LIN7A: variants seen among roughly 807,000 people sequenced by gnomAD.
LIN7A encodes the protein lin-7 cell polarity scaffold A.
LIN7A carries 25 observed loss-of-function variants against 29.8 expected under a neutral mutation model. That is an observed-to-expected ratio of 0.84 (90% CI 0.61 to 1.17). LIN7A has a LOEUF of 1.17. Among genes scored for constraint, LIN7A ranks in the 50% most tolerant of loss-of-function variants. LIN7A has a pLI of 0.00. For missense variants in LIN7A, 239 were observed against 287.0 expected (o/e 0.83, Z 1.21); for synonymous variants, 118 against 107.5 (o/e 1.10, Z -0.60).
At chr12:80,830,161 C>T (rs924693812) in intron 4 of LIN7A, among the ~76,000 whole-genome samples, 4 of 152,116 alleles carry the variant, frequency 2.6e-5, no homozygotes, top group African/African-American at 7.2e-5. Context: ...TCACTGCCTC[C>T]GTTCACCTGC....
At chr12:80,820,630 T>C (rs983133744) in intron 4 of LIN7A, among the ~76,000 whole-genome samples, 1 of 147,426 alleles carries the variant, frequency 6.8e-6, no homozygotes, top group Admixed American at 6.8e-5. Context: ...GAAGATTAAA[T>C]ACACACACAC....
chr12:80,827,918 C>A (rs973181990), intron 4 of LIN7A, among the ~76,000 whole-genome samples: 2 of 152,020 alleles, frequency 1.3e-5, no homozygotes, highest in Admixed American at 6.6e-5. Flanking sequence ...TCATTCTGGA[C>A]GTTTTTTTTG....
intron 4 of LIN7A, among the ~76,000 whole-genome samples, chr12:80,812,101 T>C (rs896867192): frequency 3.9e-5 from 6 of 152,136 alleles, no homozygotes; most frequent in Non-Finnish European, 8.8e-5. Context: ...AGTGGTGTCT[T>C]ATTGTGTGTA....
At chr12:80,854,434 A>G (rs1873490676) in intron 2 of LIN7A, among the ~76,000 whole-genome samples, 1 of 146,432 alleles carries the variant, frequency 6.8e-6, no homozygotes, top group Admixed American at 7.2e-5. Context: ...GAAAGGAACA[A>G]CTACTCATAT....
intron 4 of LIN7A, among the ~76,000 whole-genome samples, chr12:80,816,830 A>T (rs1023760128): frequency 2.0e-5 from 3 of 152,190 alleles, no homozygotes; most frequent in African/African-American, 7.2e-5. Flanking sequence ...GTGCAATGGC[A>T]CGATCTTGGC....
intron 1 of LIN7A, among the ~76,000 whole-genome samples, chr12:80,896,024 G>A (rs186743314): frequency 6.6e-6 from 1 of 152,200 alleles, no homozygotes; most frequent in East Asian, 1.9e-4. Flanking sequence ...TGACTTTAAA[G>A]GTGCTTTTCT....
At chr12:80,821,043 G>T (rs575660176) in intron 4 of LIN7A, among the ~76,000 whole-genome samples, 6 of 152,218 alleles carry the variant, frequency 3.9e-5, no homozygotes, top group East Asian at 1.9e-4. Context: ...CTACATATCC[G>T]CCAAGAACTA....
intron 1 of LIN7A, among the ~76,000 whole-genome samples, chr12:80,895,266 T>C (rs993780303): frequency 6.6e-6 from 1 of 152,138 alleles, no homozygotes; most frequent in African/African-American, 2.4e-5. Context: ...GCTGGAACAT[T>C]ATAAACAAAA....
chr12:80,795,461 G>A lies in LIN7A; in HGVS notation c.*2266C>T, dbSNP rs1870402742. On this transcript the variant is annotated 3_prime_UTR_variant, in exon 6 of 6. Transcript: ENST00000552864. ...AACCAAATGAAGCATAAATACAAAGGTTTCTAGAAAACACAAATGTAAACT... is the reference window on the plus strand; with the variant it reads ...AACCAAATGAAGCATAAATACAAAGATTTCTAGAAAACACAAATGTAAACT... The A allele has an allele frequency of 1.3e-5, 2 of 151,872 alleles. No individual in the cohort carries two copies. Among genetic ancestry groups the A allele is most frequent in the Admixed American group, 1.3e-4 (2 of 15,236 alleles). 9.4% of individuals were successfully genotyped at this position (151,872 alleles called of 1,614,324 possible).
chr12:80,816,643 A>G (rs911020465), intron 4 of LIN7A, among the ~76,000 whole-genome samples: 1 of 152,206 alleles, frequency 6.6e-6, no homozygotes, highest in African/African-American at 2.4e-5. Context: ...ATAGCTCAGT[A>G]GATAACCAAA....
At chr12:80,851,766 T>A (rs1317059378) in intron 2 of LIN7A, among the ~76,000 whole-genome samples, 2 of 57,592 alleles carry the variant, frequency 3.5e-5, no homozygotes, top group Admixed American at 2.0e-4. Context: ...ACAGCATTTG[T>A]AAGACATTTC....
rs147237018 is a variant in LIN7A at position 80,885,690 on chromosome 12, C to A, written c.201+3561G>T. Among the ~76,000 whole-genome samples, 3 of 152,102 alleles carry A rather than the reference C, an allele frequency of 2.0e-5. No individual in the cohort carries two copies. In the East Asian group the frequency reaches 5.8e-4, roughly 29 times the overall value. The stretch of plus-strand genomic sequence containing the variant: ...TAGATGGTCTTCATTCAGTACTGAT[C>A]TCAGCATATATTTTCATGCTTTCTT... On this transcript the variant is annotated intron_variant, in intron 2 of 5. Transcript: ENST00000552864.
At chr12:80,875,433 C>A (rs115177348) in intron 2 of LIN7A, among the ~76,000 whole-genome samples, 6 of 152,162 alleles carry the variant, frequency 3.9e-5, no homozygotes, top group Admixed American at 3.9e-4. Context: ...TATACACTTA[C>A]TACACGAAAC....
At chr12:80,868,340 G>A (rs528369785) in intron 2 of LIN7A, among the ~76,000 whole-genome samples, 25 of 152,268 alleles carry the variant, frequency 1.6e-4, no homozygotes, top group East Asian at 1.4e-3. Flanking sequence ...AGGCCAAGGC[G>A]GGCAGATCAC....
chr12:80,897,572 G>A, intron 1 of LIN7A, among the ~76,000 whole-genome samples: 1 of 152,076 alleles, frequency 6.6e-6, no homozygotes, highest in East Asian at 1.9e-4. Flanking sequence ...TTTGAGAGGA[G>A]AGGTGGGTGG....
intron 1 of LIN7A, among the ~76,000 whole-genome samples, chr12:80,922,876 T>C (rs865803928): frequency 1.8e-4 from 27 of 152,140 alleles, no homozygotes; most frequent in African/African-American, 6.0e-4. Flanking sequence ...TACCTGCCCA[T>C]TACTGTATAA....
intron 2 of LIN7A, among the ~76,000 whole-genome samples, chr12:80,878,279 TAAA>T: frequency 6.6e-6 from 1 of 152,216 alleles, no homozygotes; most frequent in Non-Finnish European, 1.5e-5. Context: ...TACACATCAT[TAAA>T]AATGTGTCTT....
chr12:80,866,904 T>A (rs902258049), intron 2 of LIN7A, among the ~76,000 whole-genome samples: 2 of 152,156 alleles, frequency 1.3e-5, no homozygotes, highest in Non-Finnish European at 2.9e-5. Context: ...AAAAATCACA[T>A]GCAGACAAGA....
chr12:80,923,248 T>C (rs992268778), intron 1 of LIN7A, among the ~76,000 whole-genome samples: 15 of 152,180 alleles, frequency 9.9e-5, no homozygotes, highest in Non-Finnish European at 2.1e-4. Flanking sequence ...AGCAACTCAT[T>C]GGGGTTCTCA....
Sources: gnomAD v4.1 joint callset for allele counts (sites outside exome capture counted in the v4.1 genomes callset) on GRCh38, gnomAD v4.1.1 for gene constraint, MANE v1.5 for transcripts, NCBI Gene and HGNC (gene_info 2026-07-23, HGNC 2026-07-21) for gene names.